DSCAM: variants seen among roughly 807,000 people sequenced by gnomAD.
The protein encoded by DSCAM is DS cell adhesion molecule, also known as cell adhesion molecule DSCAM.
Under a neutral mutation model 217.7 loss-of-function variants are expected in DSCAM, and 47 were observed. The ratio of observed to expected loss-of-function variants is 0.22; its 90% CI spans 0.17 to 0.28. The LOEUF (loss-of-function observed/expected upper bound fraction) is 0.28. DSCAM is among the 10% of genes least tolerant of loss of function. DSCAM has a pLI of 1.00. For synonymous variants in DSCAM, 1,056 were observed against 1,015.3 expected (o/e 1.04, Z -0.76); for missense variants, 2,080 against 2,618.3 (o/e 0.79, Z 4.49).
At chr21:40,395,188 G>A (rs1018724515) in intron 3 of DSCAM, among the ~76,000 whole-genome samples, 2 of 151,966 alleles carry the variant, frequency 1.3e-5, no homozygotes, top group Non-Finnish European at 2.9e-5. Context: ...AATTTGATGT[G>A]GTGCAGTATT....
At position 40,255,280 on chromosome 21, in the gene DSCAM, C is replaced by T. The variant is rs562424903; in HGVS notation, c.2356+20817G>A. ...GTTTTTGTGGTGTGATTCATGAAGCCGGGTTCCGCTCTGCAACCCCATGTT... is the reference window on the plus strand; with the variant it reads ...GTTTTTGTGGTGTGATTCATGAAGCTGGGTTCCGCTCTGCAACCCCATGTT... On this transcript the variant is annotated intron_variant, in intron 11 of 32. Coordinates refer to ENST00000400454, the MANE Select transcript of DSCAM (RefSeq NM_001389.5). 2.6e-5 allele frequency among the ~76,000 whole-genome samples: 4 copies of T among 152,194 alleles called. No homozygotes were observed. The East Asian group carries it at 7.7e-4, about 29-fold the overall frequency.
At chr21:40,325,184 G>A (rs1475641187) in intron 8 of DSCAM, among the ~76,000 whole-genome samples, 2 of 152,136 alleles carry the variant, frequency 1.3e-5, no homozygotes, top group Admixed American at 1.3e-4. Flanking sequence ...ATATGTTACA[G>A]TGAGACAAGG....
chr21:40,251,172 C>A (rs1345283774), intron 11 of DSCAM, among the ~76,000 whole-genome samples: 1 of 152,234 alleles, frequency 6.6e-6, no homozygotes. Context: ...GGGCTGGCTA[C>A]ACAGTTACTG....
At chr21:40,592,109 A>T (rs1288056122) in intron 3 of DSCAM, among the ~76,000 whole-genome samples, 4 of 152,194 alleles carry the variant, frequency 2.6e-5, no homozygotes, top group Admixed American at 2.0e-4. Flanking sequence ...ACATCCAGGA[A>T]GGCAGTAATA....
chr21:40,592,099 A>G (rs1194407559), intron 3 of DSCAM, among the ~76,000 whole-genome samples: 4 of 152,212 alleles, frequency 2.6e-5, no homozygotes, highest in Admixed American at 2.0e-4. Flanking sequence ...GTGGTCTACA[A>G]CATCCAGGAA....
intron 20 of DSCAM, among the ~76,000 whole-genome samples, chr21:40,110,215 A>C (rs1403075981): frequency 1.3e-5 from 2 of 152,156 alleles, no homozygotes; most frequent in East Asian, 3.9e-4. Context: ...CTCTGAGACA[A>C]AATTTCCACA....
intron 3 of DSCAM, among the ~76,000 whole-genome samples, chr21:40,682,647 GGGA>G (rs1363980021): frequency 8.3e-5 from 5 of 59,992 alleles, no homozygotes; most frequent in Admixed American, 2.2e-4. Flanking sequence ...GAAAGAGGAA[GGGA>G]AGGGAAGGGA....
intron 3 of DSCAM, among the ~76,000 whole-genome samples, chr21:40,469,225 T>C (rs1482929741): frequency 6.6e-6 from 1 of 152,218 alleles, no homozygotes; most frequent in African/African-American, 2.4e-5. Flanking sequence ...ACTTCCAAAC[T>C]TATATTCTTT....
intron 14 of DSCAM, among the ~76,000 whole-genome samples, chr21:40,180,778 G>A (rs187999143): frequency 5.6e-4 from 86 of 152,218 alleles, no homozygotes; most frequent in African/African-American, 2.1e-3. Flanking sequence ...TTGTCTGGGA[G>A]TTGGCAGGCA....
chr21:40,551,664 A>G (rs80176361), intron 3 of DSCAM, among the ~76,000 whole-genome samples: 2 of 152,274 alleles, frequency 1.3e-5, no homozygotes, highest in South Asian at 2.1e-4. Context: ...GCAAGGAAAG[A>G]TATTTTGGGG....
chr21:40,613,754 T>G (rs1295524345), intron 3 of DSCAM, among the ~76,000 whole-genome samples: 2 of 151,472 alleles, frequency 1.3e-5, no homozygotes, highest in African/African-American at 4.9e-5. Flanking sequence ...TATTATTAGC[T>G]GCTCACCACA....
intron 28 of DSCAM, among the ~76,000 whole-genome samples, chr21:40,061,569 CAA>C (rs1223587491): frequency 1.7e-4 from 15 of 86,326 alleles, no homozygotes; most frequent in Admixed American, 2.1e-4. Flanking sequence ...AACTCTGTCC[CAA>C]AAAAAAAAAA....
At chr21:40,668,054 C>T (rs747792550) in intron 3 of DSCAM, among the ~76,000 whole-genome samples, 1 of 152,186 alleles carries the variant, frequency 6.6e-6, no homozygotes, top group Non-Finnish European at 1.5e-5. Context: ...ATTAACTCTG[C>T]TATCCCATAG....
intron 3 of DSCAM, among the ~76,000 whole-genome samples, chr21:40,394,027 G>A (rs1029914881): frequency 1.3e-5 from 2 of 152,108 alleles, no homozygotes; most frequent in African/African-American, 2.4e-5. Flanking sequence ...TTCTCTCAAG[G>A]AAAGTTTCTG....
chr21:40,339,303 G>T lies in DSCAM; in HGVS notation c.1323C>A (p.Thr441=). ...CCTTGAGAATCGGGTCATCGTCCAGGGTCCACGTGATCGTGGGCAAAGGTG... is the reference window on the plus strand; with the variant it reads ...CCTTGAGAATCGGGTCATCGTCCAGTGTCCACGTGATCGTGGGCAAAGGTG... ...KGTPLPTITW[T]LDDDPILKGG... is the part of the protein sequence containing the mutation. The change falls in exon 7 of 33, where the codon ACC becomes ACA. Residue 441 remains threonine (T), a synonymous_variant. Coordinates refer to ENST00000400454, the MANE Select transcript of DSCAM (RefSeq NM_001389.5). The T allele has an allele frequency of 6.2e-7, 1 of 1,614,134 alleles. No individual in the cohort carries two copies. Among genetic ancestry groups the T allele is most frequent in the Non-Finnish European group, 8.5e-7 (1 of 1,180,030 alleles).
chr21:40,149,651 C>T (rs1349416957), intron 16 of DSCAM, among the ~76,000 whole-genome samples: 1 of 148,028 alleles, frequency 6.8e-6, no homozygotes, highest in Non-Finnish European at 1.5e-5. Flanking sequence ...ATCACCACCA[C>T]CATCCATCGC....
At chr21:40,536,628 G>A (rs188590323) in intron 3 of DSCAM, among the ~76,000 whole-genome samples, 108 of 152,122 alleles carry the variant, frequency 7.1e-4, no homozygotes, top group African/African-American at 1.0e-3. Flanking sequence ...GGATGGTCTC[G>A]ATCTCCTGAC....
chr21:40,093,485 T>C (rs1385927134), intron 21 of DSCAM, among the ~76,000 whole-genome samples: 2 of 152,338 alleles, frequency 1.3e-5, no homozygotes, highest in East Asian at 1.9e-4. Context: ...CTAATTTTCA[T>C]AGACACTTCC....
At chr21:40,741,095 A>T (rs972696878) in intron 1 of DSCAM, among the ~76,000 whole-genome samples, 2 of 152,230 alleles carry the variant, frequency 1.3e-5, no homozygotes, top group African/African-American at 4.8e-5. Flanking sequence ...TCAGTGCAGA[A>T]AAAGTGACTG....
Sources: gnomAD v4.1 joint callset for allele counts (sites outside exome capture counted in the v4.1 genomes callset) on GRCh38, gnomAD v4.1.1 for gene constraint, MANE v1.5 for transcripts, NCBI Gene and HGNC (gene_info 2026-07-23, HGNC 2026-07-21) for gene names.